RNF213: variants seen among roughly 807,000 people sequenced by gnomAD.
RNF213 encodes ring finger protein 213.
Under a neutral mutation model 514.4 loss-of-function variants are expected in RNF213, and 341 were observed. The observed-to-expected ratio is 0.66, with a 90% CI of 0.61 to 0.73. RNF213 has a LOEUF of 0.73. RNF213 is among the 30% of genes least tolerant of loss of function. The pLI, the probability that RNF213 is intolerant of heterozygous loss-of-function variation, is 0.00. For missense variants in RNF213, 5,767 were observed against 6,615.6 expected (o/e 0.87, Z 4.45); for synonymous variants, 2,655 against 2,658.2 (o/e 1.00, Z 0.04).
Position 80,385,633 on chromosome 17 carries a change from G to A in RNF213, c.14539+12G>A, listed in dbSNP as rs2080204589. The A allele has an allele frequency of 5.6e-6, 9 of 1,611,356 alleles. No individual in the cohort carries two copies. Among genetic ancestry groups the A allele is most frequent in the Non-Finnish European group, 6.8e-6 (8 of 1,177,542 alleles). ...GCTTGAGACGAACGGTTAGTATCCT[G>A]TCCCCTGTACCACTAAGCGTTCCAG... On this transcript the variant is annotated intron_variant, in intron 61 of 67. Transcript: ENST00000582970.
chr17:80,376,663 C>G, intron 52 of RNF213, 120 bp downstream of exon 52: 3 of 1,403,190 alleles, frequency 2.1e-6, no homozygotes, highest in Non-Finnish European at 3.0e-6. Context: ...AGTTCTCTGC[C>G]TTTGTGTCAC....
At chr17:80,348,540 C>T (rs563313783) in intron 29 of RNF213, among the ~76,000 whole-genome samples, 8 of 152,364 alleles carry the variant, frequency 5.3e-5, no homozygotes, top group Admixed American at 2.6e-4. Flanking sequence ...TAAAGTACCA[C>T]GTCCCAGGAC....
chr17:80,346,838 C>G lies in RNF213; in HGVS notation c.8503C>G (p.Gln2835Glu), dbSNP rs1425304200. ...CCGCTTTCAGCAGGGGAAGGACCTG[C>G]AGCAGTACGTCTCTGTGGTGGTGTT... is the stretch of plus-strand genomic sequence containing the variant. ...CARFQQGKDLQQYVSVVVLDE... is the reference protein window; with the variant it reads ...CARFQQGKDLEQYVSVVVLDE... Residue 2835 changes from glutamine to glutamate, a missense_variant, in exon 29 of 68, where the codon CAG (glutamine) becomes GAG (glutamate). Physicochemically the swap from Gln to Glu is conservative, Grantham distance 29. Around this residue, in one of 13 missense-constraint regions of RNF213, gnomAD observed 105 missense variants for 183.9 expected, o/e 0.57. Transcript: ENST00000582970. This position sits in a 1 kb window ranked among gnomAD's most constrained non-coding sequence, Gnocchi z 8.1. 1 of 1,614,158 alleles carries G rather than the reference C, an allele frequency of 6.2e-7. No homozygotes were observed. Among genetic ancestry groups the G allele is most frequent in the Non-Finnish European group, 8.5e-7 (1 of 1,180,028 alleles).
intron 38 of RNF213, among the ~76,000 whole-genome samples, chr17:80,360,633 C>G (rs2079020709): frequency 6.6e-6 from 1 of 152,164 alleles, no homozygotes; most frequent in Non-Finnish European, 1.5e-5. Context: ...TGGAGCATCC[C>G]CTACTCCCAG....
Position 80,319,804 on chromosome 17 carries a change from G to A in RNF213, c.3024+492G>A, listed in dbSNP as rs1291249290. The A allele has an allele frequency of 1.2e-5, 15 of 1,221,092 alleles. No homozygotes were observed. In the East Asian group the frequency reaches 2.5e-4, roughly 20 times the overall value. 75.6% of individuals were successfully genotyped at this position (1,221,092 alleles called of 1,614,324 possible). A position where few individuals can be genotyped will look rare whatever the true frequency, so the allele number is the denominator to read the frequency against. On this transcript the variant is annotated intron_variant, in intron 17 of 67. Coordinates refer to ENST00000582970, the MANE Select transcript of RNF213 (RefSeq NM_001256071.3). ...CCCCCTGTCTCCCAGGAACAGTCTC[G>A]CAGGCAATGCCACATGAGGAAGCTC... is the stretch of plus-strand genomic sequence containing the variant.
chr17:80,381,086 C>T (rs577218209), intron 56 of RNF213, 99 bp downstream of exon 56: 13 of 1,203,078 alleles, frequency 1.1e-5, no homozygotes, highest in East Asian at 9.3e-5. Flanking sequence ...GCCATCTATG[C>T]GTTTTGGAGA....
intron 16 of RNF213, among the ~76,000 whole-genome samples, 185 bp from the exon 17 acceptor site, chr17:80,319,005 T>C (rs1186354957): frequency 6.6e-6 from 1 of 152,204 alleles, no homozygotes; most frequent in Non-Finnish European, 1.5e-5. Context: ...CTCTTTTAAA[T>C]TTTAGCCTTT....
rs1363727336 is a variant in RNF213, at chr17:80,397,265, G to A, written c.*3767G>A. 1 of 152,152 alleles carries A rather than the reference G, an allele frequency of 6.6e-6. No individual in the cohort carries two copies. The highest frequency in any genetic ancestry group is 1.5e-5 in the Non-Finnish European group (1 of 68,066). The allele number at this position is 152,152 out of a possible 1,614,324, so 9.4% of individuals were successfully genotyped here. On this transcript the variant is annotated 3_prime_UTR_variant, in exon 68 of 68. Transcript: ENST00000582970. The stretch of plus-strand genomic sequence containing the variant: ...CCCATTTGCCAGTTCTACAGCCATG[G>A]GCAAGTGGCTCGACCTCTCTAAGCT...
chr17:80,353,844 A>G lies in RNF213; in HGVS notation c.10579-175A>G. 8.4e-6 allele frequency: 10 copies of G among 1,189,180 alleles called. No individual in the cohort carries two copies. The highest frequency in any genetic ancestry group is 1.2e-5 in the Non-Finnish European group (10 of 821,094). 73.7% of individuals were successfully genotyped at this position (1,189,180 alleles called of 1,614,324 possible). On this transcript the variant is annotated intron_variant, in intron 34 of 67. Coordinates refer to ENST00000582970, the MANE Select transcript of RNF213 (RefSeq NM_001256071.3). The surrounding 1 kb of genome is among the most constrained non-coding windows in gnomAD (Gnocchi z 5.0). ...TTGCTGGTTACTGGGGGTCAAGGGC[A>G]TCTGCACCGGCAGTTTGGGGGGTGC...
intron 36 of RNF213, among the ~76,000 whole-genome samples, chr17:80,355,703 GGC>G (rs1178188155): frequency 3.4e-5 from 3 of 88,838 alleles, no homozygotes; most frequent in African/African-American, 1.3e-4. Context: ...CGGGAATGGG[GGC>G]TTACAGAGGA....
At chr17:80,290,416 T>A (rs959597164) in intron 6 of RNF213, among the ~76,000 whole-genome samples, 154 bp from the exon 7 acceptor site, 2 of 149,008 alleles carry the variant, frequency 1.3e-5, no homozygotes, top group Admixed American at 6.7e-5. Context: ...TGTGTGTGCG[T>A]GTGTGCGAGT....
At position 80,345,248 on chromosome 17, in the gene RNF213, T is replaced by C; in HGVS notation, c.6913T>C (p.Tyr2305His). 1 of 1,614,002 alleles carries C rather than the reference T, an allele frequency of 6.2e-7. No homozygotes were observed. Among genetic ancestry groups the C allele is most frequent in the Non-Finnish European group, 8.5e-7 (1 of 1,180,014 alleles). The change falls in exon 29 of 68, where the codon TAC (tyrosine) becomes CAC (histidine). Residue 2305 changes from tyrosine to histidine, a missense_variant. This residue lies in a region of RNF213 where 1,377 missense variants were observed against 1,635.2 expected (regional missense o/e 0.84). Transcript: ENST00000582970. This position sits in a 1 kb window ranked among gnomAD's most constrained non-coding sequence, Gnocchi z 6.0. ...GAGGTGGGAGTCGGAGCCTCACCCA[T>C]ACGTTTTCTTCAATGACGACCACAC... Reference protein sequence around the residue: ...RKRWESEPHPYVFFNDDHTTM... With the variant: ...RKRWESEPHPHVFFNDDHTTM...
At position 80,394,251 on chromosome 17, in the gene RNF213, G is replaced by A. The variant is rs8359; in HGVS notation, c.*753G>A. ...TCTTCTGATCTGACATTTTGAAATT[G>A]TGAGAGAAACTAGATGACTGTAAAC... On this transcript the variant is annotated 3_prime_UTR_variant, in exon 68 of 68. Coordinates refer to ENST00000582970, the MANE Select transcript of RNF213 (RefSeq NM_001256071.3). The A allele has an allele frequency of 0.15, 23,057 of 152,188 alleles. 2,652 individuals are homozygous for A. Among genetic ancestry groups the A allele is most frequent in the African/African-American group, 0.32 (13,335 of 41,430 alleles). 9.4% of individuals were successfully genotyped at this position (152,188 alleles called of 1,614,324 possible).
chr17:80,336,563 G>T, intron 23 of RNF213, 185 bp downstream of exon 23: 1 of 691,144 alleles, frequency 1.4e-6, no homozygotes, highest in East Asian at 2.8e-5. Flanking sequence ...TAGAAAGCAG[G>T]ATACAAAATT....
In RNF213 at chr17:80,346,836, T is replaced by C. The variant is rs2078329003; in HGVS notation, c.8501T>C (p.Leu2834Pro). ...QCARFQQGKD[L>P]QQYVSVVVLD... ...GCCCGCTTTCAGCAGGGGAAGGACC[T>C]GCAGCAGTACGTCTCTGTGGTGGTG... Residue 2834 changes from leucine (L) to proline (P), a missense_variant, in exon 29 of 68, where the codon CTG becomes CCG. Around this residue, in one of 13 missense-constraint regions of RNF213, gnomAD observed 105 missense variants for 183.9 expected, o/e 0.57. Transcript: ENST00000582970. The surrounding 1 kb of genome is among the most constrained non-coding windows in gnomAD (Gnocchi z 8.1). The C allele has an allele frequency of 6.2e-7, 1 of 1,614,038 alleles. No homozygotes were observed. The highest frequency in any genetic ancestry group is 8.5e-7 in the Non-Finnish European group (1 of 1,180,022).
intron 17 of RNF213, chr17:80,320,035 C>G: frequency 9.8e-7 from 1 of 1,019,410 alleles, no homozygotes. Context: ...AGATATTGTT[C>G]GTATGCCATA....
At chr17:80,323,513 T>A (rs1343150221) in intron 17 of RNF213, among the ~76,000 whole-genome samples, 1 of 152,120 alleles carries the variant, frequency 6.6e-6, no homozygotes, top group Non-Finnish European at 1.5e-5. Flanking sequence ...TAAGTTGGAT[T>A]TCTTTCATTC....
chr17:80,308,912 C>T, intron 13 of RNF213, 106 bp from the exon 14 acceptor site: 1 of 1,356,726 alleles, frequency 7.4e-7, no homozygotes, highest in Non-Finnish European at 1.1e-6. Context: ...CAAACAAATG[C>T]CCTGTTGGTA....
At position 80,397,569 on chromosome 17, in the gene RNF213, T is replaced by C. The variant is rs1281578567; in HGVS notation, c.*4071T>C. 1 of 151,976 alleles carries C rather than the reference T, an allele frequency of 6.6e-6. No homozygotes were observed. The allele number at this position is 151,976 out of a possible 1,614,324, so 9.4% of individuals were successfully genotyped here. On this transcript the variant is annotated 3_prime_UTR_variant, in exon 68 of 68. Coordinates refer to ENST00000582970, the MANE Select transcript of RNF213 (RefSeq NM_001256071.3). ...CTGTTCCGTTCTAATTACGGGTGCA[T>C]GCAGCCCCCAGTCACGTACCCCCTG...
Sources: allele counts gnomAD v4.1 joint callset (sites outside exome capture counted in the v4.1 genomes callset), GRCh38; gene constraint gnomAD v4.1.1; regional missense constraint gnomAD v4.1.1; non-coding constraint Gnocchi (gnomAD v3.1); transcripts MANE v1.5; gene names NCBI Gene and HGNC (gene_info 2026-07-23, HGNC 2026-07-21).